Variants in SIK3 observed in about 807,000 individuals in gnomAD.
SIK3 encodes the protein serine/threonine-protein kinase SIK3.
In SIK3, 28 loss-of-function variants were observed where a neutral mutation model predicts 144.2. The ratio of observed to expected loss-of-function variants is 0.19; its 90% CI spans 0.14 to 0.27. SIK3 has a LOEUF of 0.27. Among genes scored for constraint, SIK3 ranks in the 10% least tolerant of loss-of-function variants. The pLI, the probability that SIK3 is intolerant of heterozygous loss-of-function variation, is 1.00. For missense variants in SIK3, 1,319 were observed against 1,776.0 expected (o/e 0.74, Z 4.62); for synonymous variants, 686 against 676.3 (o/e 1.01, Z -0.22).
chr11:116,948,460 A>G (rs941108559), intron 3 of SIK3, among the ~76,000 whole-genome samples: 7 of 151,978 alleles, frequency 4.6e-5, no homozygotes, highest in Non-Finnish European at 8.8e-5. Flanking sequence ...TATGTTTAGT[A>G]GAAATGAGGT....
intron 1 of SIK3, among the ~76,000 whole-genome samples, chr11:117,078,718 T>G (rs1954660349): frequency 6.6e-6 from 1 of 152,176 alleles, no homozygotes; most frequent in South Asian, 2.1e-4. Flanking sequence ...ATTGTCATAT[T>G]TTTAATTAAA....
At chr11:116,907,873 C>T (rs764737473) in intron 4 of SIK3, among the ~76,000 whole-genome samples, 5 of 151,562 alleles carry the variant, frequency 3.3e-5, no homozygotes, top group Non-Finnish European at 4.4e-5. Flanking sequence ...AGGAACAACT[C>T]GTTATTCATA....
chr11:116,967,060 A>C (rs1326666174), intron 1 of SIK3, among the ~76,000 whole-genome samples: 1 of 152,054 alleles, frequency 6.6e-6, no homozygotes, highest in Non-Finnish European at 1.5e-5. Flanking sequence ...CTTTAGTCCC[A>C]GGACAGAAAG....
intron 1 of SIK3, among the ~76,000 whole-genome samples, chr11:116,987,425 T>C (rs1461307141): frequency 6.6e-6 from 1 of 151,936 alleles, no homozygotes; most frequent in Non-Finnish European, 1.5e-5. Flanking sequence ...TCTACCTCCT[T>C]CAATCCAGCA....
chr11:116,887,931 T>C (rs1232754109), intron 6 of SIK3, among the ~76,000 whole-genome samples: 1 of 152,192 alleles, frequency 6.6e-6, no homozygotes, highest in Non-Finnish European at 1.5e-5. Flanking sequence ...AGGATGCCTA[T>C]GAAAGGAAAC....
At chr11:117,023,835 G>A (rs755296836) in intron 1 of SIK3, among the ~76,000 whole-genome samples, 2 of 151,466 alleles carry the variant, frequency 1.3e-5, no homozygotes, top group African/African-American at 2.4e-5. Context: ...CGCCACCGTG[G>A]CATAACTAAT....
intron 1 of SIK3, among the ~76,000 whole-genome samples, chr11:117,034,541 C>T (rs1463565038): frequency 3.3e-5 from 5 of 152,080 alleles, no homozygotes; most frequent in Admixed American, 3.3e-4. Flanking sequence ...ATAATGAGAT[C>T]AGTACTGGTG....
Position 117,098,148 on chromosome 11 carries a change from C to T in SIK3, c.268G>A (p.Ala90Thr). 1 of 1,498,782 alleles carries T rather than the reference C, an allele frequency of 6.7e-7. No individual in the cohort carries two copies. Among genetic ancestry groups the T allele is most frequent in the Middle Eastern group, 1.8e-4 (1 of 5,612 alleles). The allele number at this position is 1,498,782 out of a possible 1,614,324, so 92.8% of individuals were successfully genotyped here. ...VKRATHLVTK[A>T]KVAIKIIDKT... ...CCTGGCCCCTGCGCCGGTACCTTGGCCTTGGTGACGAGGTGCGTGGCCCGC... is the reference window on the plus strand; with the variant it reads ...CCTGGCCCCTGCGCCGGTACCTTGGTCTTGGTGACGAGGTGCGTGGCCCGC... Residue 90 changes from alanine (A) to threonine (T), a missense_variant, in exon 1 of 25, where the codon GCC (alanine) becomes ACC (threonine). This residue lies in a region of SIK3 where 125 missense variants were observed against 285.2 expected (regional missense o/e 0.44). Coordinates refer to ENST00000445177, the MANE Select transcript of SIK3 (RefSeq NM_001366686.3).
In SIK3 at chr11:116,857,984, T is replaced by C; in HGVS notation, c.3481A>G (p.Ser1161Gly). ...CAACCTTTGGTCAATGTACTTGAAC[T>C]CTTACTGTCTTGGAAGCCATCCTTG... ...GAKDGFQDSK[S>G]SSTLTKGCHD... Residue 1161 changes from serine (S) to glycine (G), a missense_variant, in exon 21 of 25, where the codon AGT (serine) becomes GGT (glycine). Ser to Gly is a moderately conservative substitution (Grantham distance 56, BLOSUM62 0). Coordinates refer to ENST00000445177, the MANE Select transcript of SIK3 (RefSeq NM_001366686.3). 6.2e-7 allele frequency: 1 copy of C among 1,614,206 alleles called. No homozygotes were observed. The highest frequency in any genetic ancestry group is 1.1e-5 in the South Asian group (1 of 91,088).
intron 22 of SIK3, among the ~76,000 whole-genome samples, chr11:116,848,333 C>T (rs1942164369): frequency 6.6e-6 from 1 of 151,986 alleles, no homozygotes; most frequent in Non-Finnish European, 1.5e-5. Context: ...GGTGACAGAG[C>T]AAGACTCTGT....
chr11:116,973,749 T>A (rs1949846872), intron 1 of SIK3, among the ~76,000 whole-genome samples: 1 of 152,166 alleles, frequency 6.6e-6, no homozygotes, highest in Non-Finnish European at 1.5e-5. Flanking sequence ...ACCTTGGTTA[T>A]CTTACCACTC....
intron 4 of SIK3, among the ~76,000 whole-genome samples, chr11:116,908,452 C>A (rs143500840): frequency 3.9e-5 from 6 of 152,208 alleles, no homozygotes; most frequent in African/African-American, 1.2e-4. Flanking sequence ...GCACTGCAGC[C>A]TGGGTGATGG....
chr11:116,999,172 T>C (rs1290121573), intron 1 of SIK3, among the ~76,000 whole-genome samples: 2 of 152,214 alleles, frequency 1.3e-5, no homozygotes, highest in Non-Finnish European at 2.9e-5. Context: ...TTTAAAATGT[T>C]AGAACAGTTC....
At chr11:116,946,106 G>C (rs931775592) in intron 3 of SIK3, among the ~76,000 whole-genome samples, 3 of 152,084 alleles carry the variant, frequency 2.0e-5, no homozygotes, top group African/African-American at 4.8e-5. Context: ...GTTCCTCATT[G>C]ATCTTGCTTT....
intron 21 of SIK3, among the ~76,000 whole-genome samples, chr11:116,856,084 C>A (rs1942893405): frequency 6.6e-6 from 1 of 151,852 alleles, no homozygotes; most frequent in Non-Finnish European, 1.5e-5. Context: ...GTAGTCCCAG[C>A]TACTCGGGAG....
chr11:117,007,752 T>C (rs952396554), intron 1 of SIK3, among the ~76,000 whole-genome samples: 1 of 152,198 alleles, frequency 6.6e-6, no homozygotes, highest in Non-Finnish European at 1.5e-5. Context: ...GAATATGAGC[T>C]CACCCTTCTG....
chr11:116,928,226 G>A (rs1010208141), intron 3 of SIK3, among the ~76,000 whole-genome samples: 2 of 152,204 alleles, frequency 1.3e-5, no homozygotes, highest in Admixed American at 1.3e-4. Context: ...AATAATAGCA[G>A]TAGGTTTATA....
chr11:116,993,348 C>T (rs1950556355), intron 1 of SIK3, among the ~76,000 whole-genome samples: 1 of 152,200 alleles, frequency 6.6e-6, no homozygotes, highest in Non-Finnish European at 1.5e-5. Flanking sequence ...CAACACCTTA[C>T]ATTCCTAAAA....
chr11:116,863,156 G>A (rs1453075240), intron 16 of SIK3, among the ~76,000 whole-genome samples: 2 of 152,072 alleles, frequency 1.3e-5, no homozygotes, highest in African/African-American at 4.8e-5. Flanking sequence ...ATGAACTAGA[G>A]ACAGGAGAAA....
Sources: allele counts gnomAD v4.1 joint callset (sites outside exome capture counted in the v4.1 genomes callset), GRCh38; gene constraint gnomAD v4.1.1; regional missense constraint gnomAD v4.1.1; transcripts MANE v1.5; gene names NCBI Gene and HGNC (gene_info 2026-07-23, HGNC 2026-07-21).